Variants in TGFBRAP1 observed in about 807,000 individuals in gnomAD.
TGFBRAP1 encodes transforming growth factor-beta receptor-associated protein 1.
Under a neutral mutation model 83.2 loss-of-function variants are expected in TGFBRAP1, and 20 were observed. The observed-to-expected ratio is 0.24, with a 90% CI of 0.17 to 0.35. The LOEUF is 0.35. TGFBRAP1 is among the 10% of genes least tolerant of loss of function. The pLI is 1.00. For synonymous variants in TGFBRAP1, 415 were observed against 459.8 expected (o/e 0.90, Z 1.25); for missense variants, 950 against 1,099.4 (o/e 0.86, Z 1.92).
chr2:105,261,750 TC>T (rs1402891239), downstream of TGFBRAP1, among the ~76,000 whole-genome samples: 1 of 151,752 alleles, frequency 6.6e-6, no homozygotes, highest in East Asian at 1.9e-4. Flanking sequence ...AGACTCCATC[TC>T]AAAAAAGGAC....
At chr2:105,253,423 G>T in the TGFBRAP1 span, among the ~76,000 whole-genome samples, 1 of 152,028 alleles carries the variant, frequency 6.6e-6, no homozygotes, top group Non-Finnish European at 1.5e-5. Context: ...GTGAGCCACC[G>T]CGCCTGGCCT....
At chr2:105,287,502 A>G (rs1410364870) in intron 4 of TGFBRAP1, among the ~76,000 whole-genome samples, 1 of 152,140 alleles carries the variant, frequency 6.6e-6, no homozygotes, top group Non-Finnish European at 1.5e-5. Context: ...CTCTAAAATC[A>G]GAATGTGTGG....
chr2:105,296,883 T>A (rs1404363347), intron 3 of TGFBRAP1, among the ~76,000 whole-genome samples: 1 of 144,892 alleles, frequency 6.9e-6, no homozygotes, highest in African/African-American at 2.5e-5. Context: ...TCAATAAGAA[T>A]ACACAACATT....
At chr2:105,279,907 G>A (rs1975290) in intron 6 of TGFBRAP1, among the ~76,000 whole-genome samples, 89,154 of 151,594 alleles carry the variant, frequency 0.59, 26,785 homozygotes, top group Non-Finnish European at 0.65. Context: ...GTGTGGTGGC[G>A]TGCACCTGTA....
At position 105,284,401 on chromosome 2, in the gene TGFBRAP1, G is replaced by T; in HGVS notation, c.1039-3C>A. 1.2e-6 allele frequency: 2 copies of T among 1,613,722 alleles called. No individual in the cohort carries two copies. The highest frequency in any genetic ancestry group is 1.1e-5 in the South Asian group (1 of 91,056). ...TGCAGAATCCTTCTGTACATTACCT[G>T]CAAGGAAAGACGGGTGTAATCTCTT... On this transcript the variant is annotated splice_region_variant and splice_polypyrimidine_tract_variant and intron_variant, in intron 4 of 11. Coordinates refer to ENST00000393359, the MANE Select transcript of TGFBRAP1 (RefSeq NM_004257.6).
At chr2:105,294,307 GGTGTGTGTGTGT>G (rs3060066) in intron 4 of TGFBRAP1, among the ~76,000 whole-genome samples, 2 of 147,894 alleles carry the variant, frequency 1.4e-5, no homozygotes, top group African/African-American at 2.5e-5. Flanking sequence ...TAGGAGTGAG[GGTGTGTGTGTGT>G]GTGTGTGTGT....
At chr2:105,288,319 C>T (rs566603367) in intron 4 of TGFBRAP1, among the ~76,000 whole-genome samples, 3 of 152,322 alleles carry the variant, frequency 2.0e-5, no homozygotes, top group South Asian at 4.1e-4. Context: ...GAGGACAGCA[C>T]GAGCAGGCTG....
chr2:105,264,068 A>G (rs1306215492), downstream of TGFBRAP1, among the ~76,000 whole-genome samples: 1 of 152,208 alleles, frequency 6.6e-6, no homozygotes, highest in Non-Finnish European at 1.5e-5. Flanking sequence ...AAAAGGTACG[A>G]TTTTGTAAGA....
Position 105,298,507 on chromosome 2 carries a change from G to A in TGFBRAP1, c.883+4C>T, listed in dbSNP as rs562596458. On this transcript the variant is annotated splice_donor_region_variant and intron_variant, in intron 3 of 11. Coordinates refer to ENST00000393359, the MANE Select transcript of TGFBRAP1 (RefSeq NM_004257.6). Reference sequence around the variant, plus strand: ...TTCACTAAGACTTCTATGTGAATGAGTACCTTCAAAGTCCTGTAGGATATG... The same window carrying A: ...TTCACTAAGACTTCTATGTGAATGAATACCTTCAAAGTCCTGTAGGATATG... 3 of 1,568,048 alleles carry A rather than the reference G, an allele frequency of 1.9e-6. No individual in the cohort carries two copies. The highest frequency in any genetic ancestry group is 2.3e-5 in the East Asian group (1 of 44,038).
chr2:105,292,310 C>A (rs559814767), intron 4 of TGFBRAP1, among the ~76,000 whole-genome samples: 168 of 152,222 alleles, frequency 1.1e-3, no homozygotes, highest in African/African-American at 4.0e-3. Flanking sequence ...ACAAAAAAGA[C>A]AAGATGCTTG....
chr2:105,269,744 C>G lies in TGFBRAP1; in HGVS notation c.1973-39G>C. 1 of 1,459,418 alleles carries G rather than the reference C, an allele frequency of 6.9e-7. No homozygotes were observed. Among genetic ancestry groups the G allele is most frequent in the Non-Finnish European group, 9.0e-7 (1 of 1,108,924 alleles). 90.4% of individuals were successfully genotyped at this position (1,459,418 alleles called of 1,614,324 possible). On this transcript the variant is annotated intron_variant, in intron 10 of 11. Coordinates refer to ENST00000393359, the MANE Select transcript of TGFBRAP1 (RefSeq NM_004257.6). The surrounding 1 kb of genome is among the most constrained non-coding windows in gnomAD (Gnocchi z 4.1). ...CCTGCAGCTCAGAAAGAAAGGGGCTCGCCGGCCACCCGCCCAGCGACTGGC... is the reference window on the plus strand; with the variant it reads ...CCTGCAGCTCAGAAAGAAAGGGGCTGGCCGGCCACCCGCCCAGCGACTGGC...
chr2:105,294,921 A>C (rs1346625547), intron 4 of TGFBRAP1, among the ~76,000 whole-genome samples: 2 of 152,040 alleles, frequency 1.3e-5, no homozygotes, highest in African/African-American at 4.8e-5. Context: ...GCCCCCCTGG[A>C]CTTCCACACA....
intron 2 of TGFBRAP1, among the ~76,000 whole-genome samples, chr2:105,302,345 C>G (rs1308555659): frequency 6.6e-6 from 1 of 152,102 alleles, no homozygotes; most frequent in African/African-American, 2.4e-5. Flanking sequence ...AGCTTTCCAA[C>G]AGATACACTG....
chr2:105,257,688 A>C, the TGFBRAP1 span, among the ~76,000 whole-genome samples: 1 of 152,340 alleles, frequency 6.6e-6, no homozygotes, highest in East Asian at 1.9e-4. Context: ...ATTTGGATGC[A>C]TTTTATATAA....
chr2:105,274,614 A>G (rs973251242), intron 8 of TGFBRAP1, among the ~76,000 whole-genome samples: 1 of 152,188 alleles, frequency 6.6e-6, no homozygotes, highest in African/African-American at 2.4e-5. Flanking sequence ...AAACCTTGCA[A>G]CGGCACTGAG....
rs767978457 is a variant in TGFBRAP1 at position 105,269,702 on chromosome 2, C to T, written c.1976G>A (p.Arg659Lys). The change falls in exon 11 of 12, where the codon AGG becomes AAG. Residue 659 changes from arginine to lysine, a missense_variant. By Grantham distance (26) the Arg-to-Lys change is conservative. Coordinates refer to ENST00000393359, the MANE Select transcript of TGFBRAP1 (RefSeq NM_004257.6). The surrounding 1 kb of genome is among the most constrained non-coding windows in gnomAD (Gnocchi z 4.1). Reference protein sequence around the residue: ...DLYRVHFLLERLQGAGLPMES... With the variant: ...DLYRVHFLLEKLQGAGLPMES... ...CATGGGCAGGCCAGCTCCCTGCAGC[C>T]TCTCTGCAAGACAGAACCTGCAGCT... 55 of 1,535,926 alleles carry T rather than the reference C, an allele frequency of 3.6e-5. 1 individual carries two copies. The South Asian group carries it at 6.2e-4, about 17-fold the overall frequency.
intron 1 of TGFBRAP1, among the ~76,000 whole-genome samples, chr2:105,319,788 T>C (rs910809359): frequency 6.7e-6 from 1 of 150,060 alleles, no homozygotes; most frequent in African/African-American, 2.4e-5. Context: ...TTAATATATA[T>C]GTTTAACATA....
chr2:105,278,033 C>T (rs574266064), intron 6 of TGFBRAP1, among the ~76,000 whole-genome samples: 3 of 151,830 alleles, frequency 2.0e-5, no homozygotes, highest in African/African-American at 4.8e-5. Flanking sequence ...CACTCCAGCC[C>T]GGGTGACGGA....
At chr2:105,268,028 G>A (rs905252356) in intron 11 of TGFBRAP1, among the ~76,000 whole-genome samples, 7 of 152,232 alleles carry the variant, frequency 4.6e-5, no homozygotes, top group Non-Finnish European at 8.8e-5. Context: ...GGTTGGTCCT[G>A]GGAGACACCC....
Sources: allele counts gnomAD v4.1 joint callset (sites outside exome capture counted in the v4.1 genomes callset), GRCh38; gene constraint gnomAD v4.1.1; non-coding constraint Gnocchi (gnomAD v3.1); transcripts MANE v1.5; gene names NCBI Gene and HGNC (gene_info 2026-07-23, HGNC 2026-07-21).